The following RBM41 variants were observed in gnomAD, a reference collection of about 807,000 sequenced individuals.
RBM41 encodes RNA binding motif protein 41.
A neutral mutation model predicts 30.8 loss-of-function variants in RBM41; 14 were observed. The observed-to-expected ratio is 0.45, with a 90% CI of 0.30 to 0.71. RBM41 has a LOEUF of 0.71. Among genes scored for constraint, RBM41 ranks in the 30% least tolerant of loss-of-function variants. The probability of loss-of-function intolerance (pLI) is 0.08; values close to 1 mark genes in which losing one functional copy is unlikely to be tolerated. For synonymous variants in RBM41, 120 were observed against 110.1 expected (o/e 1.09, Z -0.56); for missense variants, 276 against 326.3 (o/e 0.85, Z 1.19).
chrX:107,099,690 T>TACACACACACAC (rs58279760), intron 5 of RBM41, among the ~76,000 whole-genome samples: 5 of 92,536 alleles, frequency 5.4e-5, no homozygotes, highest in Admixed American at 2.4e-4. Flanking sequence ...TCCTGAAAGG[T>TACACACACACAC]ACACACACAC....
chrX:107,064,383 TATG>T lies in RBM41; in HGVS notation c.*3141_*3143del, dbSNP rs1935758579. On this transcript the variant is annotated 3_prime_UTR_variant, in exon 8 of 8. Transcript: ENST00000685964. ...TCTCAAAGGGTTTTGTAATTTCCCT[TATG>T]ATTTTTTTCTTTGACACATTTTTTT... 1 of 99,156 alleles carries T rather than the reference TATG, an allele frequency of 1.0e-5. No homozygotes were observed. Among genetic ancestry groups the T allele is most frequent in the Non-Finnish European group, 2.0e-5 (1 of 49,808 alleles). The allele number at this position is 99,156 out of a possible 1,213,427, so 8.2% of individuals were successfully genotyped here. A position where few individuals can be genotyped will look rare whatever the true frequency, so the allele number is the denominator to read the frequency against.
the RBM41 span, among the ~76,000 whole-genome samples, chrX:107,052,593 G>A: frequency 9.0e-6 from 1 of 111,361 alleles, no homozygotes; most frequent in Non-Finnish European, 1.9e-5. Flanking sequence ...CATTAACATC[G>A]GAACAAGGGC....
At chrX:107,072,974 T>C (rs1017265250) in intron 6 of RBM41, among the ~76,000 whole-genome samples, 1 of 110,365 alleles carries the variant, frequency 9.1e-6, no homozygotes, top group Non-Finnish European at 1.9e-5. Flanking sequence ...CCATCTCTCA[T>C]CCTATACAAA....
intron 5 of RBM41, among the ~76,000 whole-genome samples, chrX:107,104,844 A>C (rs1216836067): frequency 9.0e-6 from 1 of 111,399 alleles, no homozygotes; most frequent in Non-Finnish European, 1.9e-5. Context: ...CTCTCAATAA[A>C]TTAGGTATTG....
intron 1 of RBM41, among the ~76,000 whole-genome samples, chrX:107,118,557 G>A (rs941802892): frequency 9.0e-6 from 1 of 111,425 alleles, no homozygotes; most frequent in Non-Finnish European, 1.9e-5. Flanking sequence ...CACAGCAGCC[G>A]GCCCCGGTGG....
At chrX:107,091,809 G>A (rs147695465) in intron 5 of RBM41, among the ~76,000 whole-genome samples, 69 of 111,822 alleles carry the variant, frequency 6.2e-4, no homozygotes, top group African/African-American at 2.1e-3. Flanking sequence ...TTAACAATAT[G>A]TCCTGGAGAT....
intron 6 of RBM41, among the ~76,000 whole-genome samples, chrX:107,078,244 C>T: frequency 9.0e-6 from 1 of 111,583 alleles, no homozygotes. Context: ...TGAAAAGTTA[C>T]TCTTTTTTCC....
At chrX:107,098,729 G>A (rs182530784) in intron 5 of RBM41, among the ~76,000 whole-genome samples, 12 of 111,713 alleles carry the variant, frequency 1.1e-4, no homozygotes, top group South Asian at 7.6e-4. Flanking sequence ...GCCCAGGCGC[G>A]GTGGCTCATG....
At chrX:107,094,761 G>C (rs1922826420) in intron 5 of RBM41, among the ~76,000 whole-genome samples, 1 of 110,971 alleles carries the variant, frequency 9.0e-6, no homozygotes. Context: ...GAGATGTGAT[G>C]ATGTATGCAG....
the RBM41 span, among the ~76,000 whole-genome samples, chrX:107,053,893 T>C: frequency 8.9e-6 from 1 of 111,960 alleles, no homozygotes; most frequent in Non-Finnish European, 1.9e-5. Context: ...AGTATTTGCA[T>C]GCATGCAAAG....
intron 5 of RBM41, among the ~76,000 whole-genome samples, chrX:107,089,109 T>A (rs183165486): frequency 8.9e-6 from 1 of 111,819 alleles, no homozygotes; most frequent in Non-Finnish European, 1.9e-5. Flanking sequence ...TAAAAACATA[T>A]AAGCAATATA....
rs1935830383 is a variant in RBM41 at position 107,066,189 on chromosome X, T to C, written c.*1338A>G. 8.9e-6 allele frequency: 1 copy of C among 112,721 alleles called. No homozygotes were observed. The highest frequency in any genetic ancestry group is 1.9e-5 in the Non-Finnish European group (1 of 53,550). The allele number at this position is 112,721 out of a possible 1,213,427, so 9.3% of individuals were successfully genotyped here. On this transcript the variant is annotated 3_prime_UTR_variant, in exon 8 of 8. Coordinates refer to ENST00000685964, the MANE Select transcript of RBM41 (RefSeq NM_001324242.2). ...CTGAGGGGAAGTCAACTACTAATTT[T>C]ATTTGGGTTCCTTGGTAAGTGATGG...
At chrX:107,088,881 C>T in intron 5 of RBM41, 42 bp from the exon 6 acceptor site, 1 of 1,145,128 alleles carries the variant, frequency 8.7e-7, no homozygotes, top group Non-Finnish European at 1.2e-6. Flanking sequence ...ACAAAGCCTA[C>T]CAATACAACC....
At chrX:107,101,799 T>C (rs769193638) in intron 5 of RBM41, among the ~76,000 whole-genome samples, 2 of 112,238 alleles carry the variant, frequency 1.8e-5, no homozygotes, top group African/African-American at 3.2e-5. Flanking sequence ...AAAGTACCAC[T>C]GGTACTGGGA....
chrX:107,110,491 A>AC (rs1924376921), intron 5 of RBM41, among the ~76,000 whole-genome samples: 1 of 111,748 alleles, frequency 8.9e-6, no homozygotes, highest in Non-Finnish European at 1.9e-5. Flanking sequence ...GACTTAGAAG[A>AC]CAATACTGTT....
chrX:107,078,077 G>A (rs1202887893), intron 6 of RBM41, among the ~76,000 whole-genome samples: 4 of 111,241 alleles, frequency 3.6e-5, no homozygotes, highest in Non-Finnish European at 7.5e-5. Flanking sequence ...TTTAGACTGG[G>A]ATTATGGATT....
intron 6 of RBM41, among the ~76,000 whole-genome samples, chrX:107,071,817 T>G (rs769630766): frequency 8.9e-5 from 10 of 111,793 alleles, no homozygotes; most frequent in Non-Finnish European, 1.7e-4. Context: ...AACTGAAAGC[T>G]TTTCCTCTAA....
intron 5 of RBM41, among the ~76,000 whole-genome samples, chrX:107,090,455 G>C (rs1922434678): frequency 8.9e-6 from 1 of 111,939 alleles, no homozygotes; most frequent in Admixed American, 9.4e-5. Flanking sequence ...TACTTTATCT[G>C]TGTCAATTAA....
At chrX:107,112,323 A>G (rs190313277) in intron 5 of RBM41, among the ~76,000 whole-genome samples, 1 of 111,729 alleles carries the variant, frequency 9.0e-6, no homozygotes, top group Admixed American at 9.5e-5. Context: ...GCAAATTAAA[A>G]CTACAATGAG....
Sources: allele counts gnomAD v4.1 joint callset (sites outside exome capture counted in the v4.1 genomes callset), GRCh38; gene constraint gnomAD v4.1.1; transcripts MANE v1.5; gene names NCBI Gene and HGNC (gene_info 2026-07-23, HGNC 2026-07-21).